The following CTNNA3 variants were observed in gnomAD, a reference collection of about 807,000 sequenced individuals.
The protein encoded by CTNNA3 is catenin alpha 3.
Under a neutral mutation model 95.7 loss-of-function variants are expected in CTNNA3, and 76 were observed. That is an observed-to-expected ratio of 0.79 (90% CI 0.66 to 0.96). CTNNA3 has a LOEUF of 0.96. CTNNA3 is among the 40% of genes least tolerant of loss of function. The pLI is 0.00. For synonymous variants in CTNNA3, 431 were observed against 374.4 expected, an observed-to-expected ratio of 1.15 and a Z score of -1.74; for missense variants, 1,191 against 1,089.8, an observed-to-expected ratio of 1.09 and a Z score of -1.31.
rs560564927 is a variant in CTNNA3 at position 66,515,341 on chromosome 10, C to A, written c.1531+5276G>T. Among the ~76,000 whole-genome samples, 441 of 142,250 alleles carry A rather than the reference C, an allele frequency of 3.1e-3. 5 individuals are homozygous for A. Among genetic ancestry groups the A allele is most frequent in the African/African-American group, 0.011 (428 of 38,932 alleles). 93.3% of individuals were successfully genotyped at this position (142,250 alleles called of 152,430 possible). A position where few individuals can be genotyped will look rare whatever the true frequency, so the allele number is the denominator to read the frequency against. On this transcript the variant is annotated intron_variant, in intron 11 of 17. Coordinates refer to ENST00000433211, the MANE Select transcript of CTNNA3 (RefSeq NM_013266.4). The stretch of plus-strand genomic sequence containing the variant: ...TCTCTCCCTCTCTGTCTCTCTCTCT[C>A]TCTCTATATATATATATAGTATTAG...
chr10:66,896,645 G>T (rs1272299408), intron 7 of CTNNA3, among the ~76,000 whole-genome samples: 1 of 152,148 alleles, frequency 6.6e-6, no homozygotes, highest in Non-Finnish European at 1.5e-5. Flanking sequence ...TTCTGGGCCA[G>T]TGAGAATCTT....
intron 5 of CTNNA3, among the ~76,000 whole-genome samples, chr10:67,506,962 T>A (rs1367845242): frequency 1.3e-5 from 2 of 152,178 alleles, no homozygotes; most frequent in African/African-American, 2.4e-5. Flanking sequence ...CTTCTTCAGC[T>A]CCCTGTACCT....
At chr10:67,757,272 G>C (rs562208243) in intron 1 of CTNNA3, among the ~76,000 whole-genome samples, 4 of 152,176 alleles carry the variant, frequency 2.6e-5, no homozygotes, top group African/African-American at 9.7e-5. Context: ...AAAGGCATGG[G>C]CATAGATGAG....
chr10:67,262,689 C>A (rs1252253732), intron 5 of CTNNA3, among the ~76,000 whole-genome samples: 1 of 151,830 alleles, frequency 6.6e-6, no homozygotes, highest in Non-Finnish European at 1.5e-5. Context: ...GGATCTTTGG[C>A]GGGGAAAAAT....
At chr10:66,868,376 A>G (rs534488182) in intron 7 of CTNNA3, among the ~76,000 whole-genome samples, 3 of 151,754 alleles carry the variant, frequency 2.0e-5, no homozygotes, top group South Asian at 4.2e-4. Flanking sequence ...AAAAATTAAA[A>G]AAAAAATAAA....
At chr10:66,747,421 T>C (rs901217773) in intron 9 of CTNNA3, among the ~76,000 whole-genome samples, 4 of 152,216 alleles carry the variant, frequency 2.6e-5, no homozygotes, top group African/African-American at 9.6e-5. Flanking sequence ...GAGACCTGTC[T>C]AGCTCCGGTA....
At chr10:66,630,176 G>A (rs1845082472) in intron 9 of CTNNA3, among the ~76,000 whole-genome samples, 1 of 152,122 alleles carries the variant, frequency 6.6e-6, no homozygotes, top group African/African-American at 2.4e-5. Flanking sequence ...ATGAATGCCT[G>A]AATCAGTATG....
intron 9 of CTNNA3, among the ~76,000 whole-genome samples, chr10:66,697,729 A>G (rs190503436): frequency 1.3e-5 from 2 of 152,302 alleles, no homozygotes; most frequent in East Asian, 3.9e-4. Context: ...CAGTACATGA[A>G]AAAACATTGT....
intron 12 of CTNNA3, among the ~76,000 whole-genome samples, chr10:66,317,186 T>A (rs1482417015): frequency 3.9e-5 from 6 of 152,154 alleles, no homozygotes; most frequent in African/African-American, 1.4e-4. Flanking sequence ...GCAAGTTTAA[T>A]ACATTAAAAT....
intron 5 of CTNNA3, among the ~76,000 whole-genome samples, chr10:67,512,757 C>G (rs887372057): frequency 1.3e-5 from 2 of 151,442 alleles, no homozygotes; most frequent in African/African-American, 4.9e-5. Context: ...GAGGCCGAGG[C>G]AGGCAGATCA....
At chr10:67,640,408 T>C (rs1839487470) in intron 2 of CTNNA3, among the ~76,000 whole-genome samples, 1 of 152,050 alleles carries the variant, frequency 6.6e-6, no homozygotes. Flanking sequence ...AGAATCAATA[T>C]CATGAAAATG....
intron 12 of CTNNA3, among the ~76,000 whole-genome samples, chr10:66,355,105 A>G (rs2092598771): frequency 1.3e-5 from 2 of 152,146 alleles, no homozygotes; most frequent in African/African-American, 2.4e-5. Context: ...AACATACCTG[A>G]GAGTCATGAC....
At chr10:67,058,811 G>C (rs1352303487) in intron 7 of CTNNA3, among the ~76,000 whole-genome samples, 1 of 152,124 alleles carries the variant, frequency 6.6e-6, no homozygotes, top group Non-Finnish European at 1.5e-5. Flanking sequence ...CAGAAAATCT[G>C]AGTTCTAGGC....
chr10:66,416,747 T>A (rs10997108), intron 11 of CTNNA3, among the ~76,000 whole-genome samples: 17,830 of 151,836 alleles, frequency 0.12, 1,519 homozygotes, highest in African/African-American at 0.24. Flanking sequence ...AAAGTCTTTC[T>A]CAGACAAGAT....
chr10:67,707,116 C>T (rs1841083080), intron 1 of CTNNA3, among the ~76,000 whole-genome samples: 1 of 152,168 alleles, frequency 6.6e-6, no homozygotes, highest in Non-Finnish European at 1.5e-5. Flanking sequence ...ATTTCTCTAG[C>T]TCTCCTACCC....
At chr10:66,595,261 A>G (rs1470583763) in intron 10 of CTNNA3, among the ~76,000 whole-genome samples, 1 of 152,092 alleles carries the variant, frequency 6.6e-6, no homozygotes, top group East Asian at 1.9e-4. Context: ...CCCATAAAAG[A>G]TGCATTTAGT....
chr10:67,590,495 G>C (rs1842758508), intron 3 of CTNNA3, among the ~76,000 whole-genome samples: 1 of 152,086 alleles, frequency 6.6e-6, no homozygotes, highest in Non-Finnish European at 1.5e-5. Flanking sequence ...CAAAGTAGTT[G>C]TACCAATTTA....
At chr10:66,276,082 T>C (rs1038634056) in intron 13 of CTNNA3, among the ~76,000 whole-genome samples, 1 of 152,170 alleles carries the variant, frequency 6.6e-6, no homozygotes, top group African/African-American at 2.4e-5. Context: ...TGTAAATTTA[T>C]CTTATTTTTC....
At chr10:67,211,354 C>T (rs1038261125) in intron 6 of CTNNA3, among the ~76,000 whole-genome samples, 1 of 151,722 alleles carries the variant, frequency 6.6e-6, no homozygotes, top group Non-Finnish European at 1.5e-5. Context: ...ACCTTGAACA[C>T]GATCTATAAT....
Sources: gnomAD v4.1 joint callset for allele counts (sites outside exome capture counted in the v4.1 genomes callset) on GRCh38, gnomAD v4.1.1 for gene constraint, MANE v1.5 for transcripts, NCBI Gene and HGNC (gene_info 2026-07-23, HGNC 2026-07-21) for gene names.